ATP10A: variants seen among roughly 807,000 people sequenced by gnomAD.
ATP10A encodes phospholipid-transporting ATPase VA.
ATP10A carries 111 observed loss-of-function variants against 147.8 expected under a neutral mutation model. The observed-to-expected ratio is 0.75, with a 90% CI of 0.64 to 0.88. The LOEUF is 0.88. ATP10A is among the 40% of genes least tolerant of loss of function. ATP10A has a pLI of 0.00. For synonymous variants in ATP10A, 875 were observed against 841.6 expected (o/e 1.04, Z -0.69); for missense variants, 1,927 against 1,959.0 (o/e 0.98, Z 0.31).
intron 1 of ATP10A, among the ~76,000 whole-genome samples, chr15:25,858,040 G>A (rs556258631): frequency 5.3e-5 from 8 of 152,268 alleles, no homozygotes; most frequent in African/African-American, 1.7e-4. Flanking sequence ...GAAAAGAAAC[G>A]TTCTTTTTCC....
At chr15:25,743,593 T>C (rs933050023) in intron 2 of ATP10A, among the ~76,000 whole-genome samples, 2 of 152,224 alleles carry the variant, frequency 1.3e-5, no homozygotes. Context: ...ATGAGACACA[T>C]GTTGGTGCTC....
chr15:25,713,933 C>T lies in ATP10A; in HGVS notation c.2085G>A (p.Ala695=), dbSNP rs149860509. The T allele has an allele frequency of 3.1e-6, 5 of 1,611,756 alleles. No individual in the cohort carries two copies. In the African/African-American group the frequency reaches 4.0e-5, roughly 13 times the overall value. The change falls in exon 10 of 21, where the codon GCG becomes GCA. Residue 695 remains alanine (A), a synonymous_variant. Transcript: ENST00000555815. ...QESERELRYE[A]ESPDEAALVY... ...CCAGTGCGGCCTCATCCGGGCTCTC[C>T]GCCTCGTACCGCAGCTCGCGCTCTG...
intron 1 of ATP10A, among the ~76,000 whole-genome samples, chr15:25,858,332 C>T (rs1376539917): frequency 1.3e-5 from 2 of 152,012 alleles, no homozygotes; most frequent in Admixed American, 1.3e-4. Flanking sequence ...TGACTGCTGT[C>T]TTGTTGCATT....
chr15:25,708,494 A>AT (rs1205070405), intron 10 of ATP10A, 194 bp from the exon 11 acceptor site: 21 of 565,156 alleles, frequency 3.7e-5, no homozygotes, highest in Non-Finnish European at 5.6e-5. Flanking sequence ...GTTTTATTTT[A>AT]TTTTTTTATA....
chr15:25,786,687 G>A (rs1039058538), intron 1 of ATP10A, among the ~76,000 whole-genome samples: 33 of 135,374 alleles, frequency 2.4e-4, no homozygotes, highest in African/African-American at 4.0e-4. Flanking sequence ...GTGCAGTGGC[G>A]TGATCTCGGC....
intron 2 of ATP10A, among the ~76,000 whole-genome samples, chr15:25,771,961 A>G (rs1307221321): frequency 6.6e-6 from 1 of 152,026 alleles, no homozygotes; most frequent in Non-Finnish European, 1.5e-5. Flanking sequence ...CATGTGGGCC[A>G]GGCTGGTCTT....
intron 1 of ATP10A, among the ~76,000 whole-genome samples, chr15:25,812,640 G>C (rs1376118026): frequency 1.3e-5 from 2 of 152,100 alleles, no homozygotes; most frequent in Non-Finnish European, 2.9e-5. Flanking sequence ...ATTAAAACAA[G>C]CTATTTTTGT....
intron 2 of ATP10A, among the ~76,000 whole-genome samples, chr15:25,755,912 A>C (rs2140603012): frequency 6.6e-6 from 1 of 152,362 alleles, no homozygotes; most frequent in South Asian, 2.1e-4. Context: ...TCCATTTGTA[A>C]GCGTGTCTCC....
intron 1 of ATP10A, among the ~76,000 whole-genome samples, chr15:25,845,919 C>A (rs1449013111): frequency 3.9e-5 from 6 of 152,218 alleles, no homozygotes; most frequent in Admixed American, 3.9e-4. Flanking sequence ...GGTCCCTTAA[C>A]AGATGAATGG....
chr15:25,694,796 G>T (rs778810070), intron 14 of ATP10A, 23 bp downstream of exon 14: 1 of 1,581,488 alleles, frequency 6.3e-7, no homozygotes, highest in Non-Finnish European at 8.6e-7. Context: ...GGAGGAGGCC[G>T]TCTGGCCAGC....
In ATP10A at chr15:25,863,107, C is replaced by T. The variant is rs1893850528; in HGVS notation, c.-11G>A. ...CGGCTCCCGCTCCATGGCCGCGTGT[C>T]GCCGCGCCCGGCTCCTCCGCCGCTC... On this transcript the variant is annotated 5_prime_UTR_variant, in exon 1 of 21. Transcript: ENST00000555815. 2.6e-6 allele frequency: 3 copies of T among 1,169,686 alleles called. No homozygotes were observed. The highest frequency in any genetic ancestry group is 3.2e-6 in the Non-Finnish European group (3 of 949,646). The allele number at this position is 1,169,686 out of a possible 1,614,324, so 72.5% of individuals were successfully genotyped here.
chr15:25,817,074 G>T (rs1891690695), intron 1 of ATP10A, among the ~76,000 whole-genome samples: 1 of 151,648 alleles, frequency 6.6e-6, no homozygotes, highest in South Asian at 2.1e-4. Context: ...CTGTTTTTTG[G>T]TTTTGTTTTG....
chr15:25,858,438 GAGA>G (rs1893612665), intron 1 of ATP10A, among the ~76,000 whole-genome samples: 1 of 152,082 alleles, frequency 6.6e-6, no homozygotes, highest in Non-Finnish European at 1.5e-5. Context: ...AAGAGGCACG[GAGA>G]AGGAGTAGGA....
chr15:25,737,560 G>A (rs1887355017), intron 2 of ATP10A, among the ~76,000 whole-genome samples: 1 of 152,120 alleles, frequency 6.6e-6, no homozygotes, highest in South Asian at 2.1e-4. Flanking sequence ...CGCAGGGGAG[G>A]TCCCAGGCAC....
intron 1 of ATP10A, among the ~76,000 whole-genome samples, chr15:25,784,913 C>A (rs549121697): frequency 2.0e-5 from 3 of 150,282 alleles, no homozygotes; most frequent in Non-Finnish European, 3.0e-5. Flanking sequence ...CGGAGCGAGA[C>A]CCCGTGTCAA....
intron 6 of ATP10A, among the ~76,000 whole-genome samples, chr15:25,722,301 C>T (rs1044295948): frequency 2.6e-5 from 4 of 152,162 alleles, no homozygotes; most frequent in East Asian, 1.9e-4. Context: ...TGGTGGCATT[C>T]GACCCCCAGG....
At chr15:25,859,951 C>T (rs1893683093) in intron 1 of ATP10A, among the ~76,000 whole-genome samples, 1 of 152,152 alleles carries the variant, frequency 6.6e-6, no homozygotes, top group African/African-American at 2.4e-5. Flanking sequence ...TGGACCGACA[C>T]TCCTATGCAC....
Position 25,691,733 on chromosome 15 carries a change from G to A in ATP10A, c.3147C>T (p.Ser1049=), listed in dbSNP as rs531987538. 111 of 1,614,138 alleles carry A rather than the reference G, an allele frequency of 6.9e-5. No individual in the cohort carries two copies. Among genetic ancestry groups the A allele is most frequent in the Non-Finnish European group, 8.5e-5 (100 of 1,180,020 alleles). The change falls in exon 15 of 21, where the codon TCC becomes TCT. Residue 1049 remains serine, a synonymous_variant. Transcript: ENST00000555815. Reference sequence around the variant, plus strand: ...TCTTTACCTGCATACCCTCCTGGCCGGAGATTCCCACACCCACATCTGCCA... The same window carrying A: ...TCTTTACCTGCATACCCTCCTGGCCAGAGATTCCCACACCCACATCTGCCA... ...IQVADVGVGI[S]GQEGMQAVMA... is the part of the protein sequence containing the mutation.
Position 25,852,717 on chromosome 15 carries a change from C to T in ATP10A, c.449+9931G>A, listed in dbSNP as rs574966408. ...AAACCACTGTCTGTTATGCAGGCCT[C>T]AAAGACTGTGGCCCAGACTATGGTG... is the stretch of plus-strand genomic sequence containing the variant. On this transcript the variant is annotated intron_variant, in intron 1 of 20. Coordinates refer to ENST00000555815, the MANE Select transcript of ATP10A (RefSeq NM_024490.4). Among the ~76,000 whole-genome samples, 6 of 152,332 alleles carry T rather than the reference C, an allele frequency of 3.9e-5. No homozygotes were observed. The South Asian group carries it at 1.2e-3, about 32-fold the overall frequency.
Sources: gnomAD v4.1 joint callset for allele counts (sites outside exome capture counted in the v4.1 genomes callset) on GRCh38, gnomAD v4.1.1 for gene constraint, MANE v1.5 for transcripts, NCBI Gene and HGNC (gene_info 2026-07-23, HGNC 2026-07-21) for gene names.